The following ZC3H12B variants were observed in gnomAD, a reference collection of about 807,000 sequenced individuals.
The protein encoded by ZC3H12B is zinc finger CCCH-type containing 12B.
Under a neutral mutation model 43.9 loss-of-function variants are expected in ZC3H12B, and 7 were observed. The observed-to-expected ratio is 0.16, with a 90% confidence interval of 0.09 to 0.30. The LOEUF is 0.30. ZC3H12B is among the 10% of genes least tolerant of loss of function. ZC3H12B has a pLI of 1.00. For synonymous variants in ZC3H12B, 222 were observed against 241.7 expected (o/e 0.92, Z 0.76); for missense variants, 475 against 670.2 (o/e 0.71, Z 3.22).
the ZC3H12B span, among the ~76,000 whole-genome samples, chrX:65,109,628 G>A: frequency 1.8e-5 from 2 of 111,488 alleles, no homozygotes; most frequent in African/African-American, 6.5e-5. Flanking sequence ...TCTATCTTTT[G>A]GTTGTTATGA....
chrX:65,408,708 A>G (rs1008257880), intron 3 of ZC3H12B: 1 of 747,660 alleles, frequency 1.3e-6, no homozygotes, highest in Non-Finnish European at 2.0e-6. Flanking sequence ...ATACTCTTAC[A>G]GTGCTGCAAA....
At chrX:65,189,241 A>C in the ZC3H12B span, among the ~76,000 whole-genome samples, 2 of 102,274 alleles carry the variant, frequency 2.0e-5, no homozygotes, top group Non-Finnish European at 3.9e-5. Flanking sequence ...ATTGTGAATA[A>C]TGCCGCAATA....
At chrX:65,153,290 A>G in the ZC3H12B span, among the ~76,000 whole-genome samples, 7 of 112,168 alleles carry the variant, frequency 6.2e-5, no homozygotes, top group Admixed American at 9.5e-5. Flanking sequence ...ATCAGAGTGA[A>G]CAGGCAACCT....
chrX:65,171,388 A>T, the ZC3H12B span, among the ~76,000 whole-genome samples: 34 of 110,622 alleles, frequency 3.1e-4, no homozygotes, highest in African/African-American at 1.1e-3. Context: ...GTGCTGCCTG[A>T]TCCTTCCTCT....
At chrX:65,166,389 G>A in the ZC3H12B span, among the ~76,000 whole-genome samples, 1 of 111,510 alleles carries the variant, frequency 9.0e-6, no homozygotes, top group African/African-American at 3.3e-5. Context: ...GTTTTTTATG[G>A]CTGCATAGTA....
At chrX:65,294,691 G>A in the ZC3H12B span, among the ~76,000 whole-genome samples, 1 of 111,693 alleles carries the variant, frequency 9.0e-6, no homozygotes, top group Admixed American at 9.5e-5. Flanking sequence ...AAAGTGAGCA[G>A]GAGTAGCTAT....
chrX:65,211,246 T>A, the ZC3H12B span, among the ~76,000 whole-genome samples: 1 of 109,486 alleles, frequency 9.1e-6, no homozygotes, highest in East Asian at 2.8e-4. Flanking sequence ...TTTTCTCCCA[T>A]TCTGTAGGTT....
chrX:65,205,808 G>A, the ZC3H12B span, among the ~76,000 whole-genome samples: 2 of 111,698 alleles, frequency 1.8e-5, no homozygotes, highest in Non-Finnish European at 3.8e-5. Flanking sequence ...ACTGATAAAT[G>A]AATTCAGCAA....
chrX:65,443,082 A>G (rs193123133), intron 3 of ZC3H12B, among the ~76,000 whole-genome samples: 6 of 111,605 alleles, frequency 5.4e-5, no homozygotes, highest in African/African-American at 2.0e-4. Context: ...TTAGCTGGCA[A>G]ATAAACATGC....
chrX:65,412,604 A>T (rs2066916517), intron 3 of ZC3H12B, among the ~76,000 whole-genome samples: 2 of 110,932 alleles, frequency 1.8e-5, no homozygotes, highest in African/African-American at 6.6e-5. Context: ...AGTAGCTGGG[A>T]CTGCGGGAAT....
chrX:65,402,117 A>G (rs1423831513), intron 3 of ZC3H12B, among the ~76,000 whole-genome samples: 1 of 111,950 alleles, frequency 8.9e-6, no homozygotes, highest in African/African-American at 3.3e-5. Context: ...GCCAGGCAGC[A>G]TTCACCAAAA....
chrX:65,227,137 G>T, the ZC3H12B span, among the ~76,000 whole-genome samples: 1 of 111,251 alleles, frequency 9.0e-6, no homozygotes, highest in South Asian at 3.8e-4. Context: ...TGGAAGTAAA[G>T]CTCTCCTCAG....
intron 2 of ZC3H12B, among the ~76,000 whole-genome samples, chrX:65,369,698 GT>G (rs988435095): frequency 4.5e-5 from 5 of 109,946 alleles, no homozygotes; most frequent in African/African-American, 6.6e-5. Context: ...AAGCATCTAT[GT>G]TTTTTTTTCC....
At chrX:65,211,848 T>G in the ZC3H12B span, among the ~76,000 whole-genome samples, 1 of 79,793 alleles carries the variant, frequency 1.3e-5, no homozygotes, top group Non-Finnish European at 2.2e-5. Flanking sequence ...ATATATAATA[T>G]ATGTTATGTA....
At chrX:65,458,085 T>TAAAAAAAAAAAAAAAAAAAAAA (rs59738258) in intron 3 of ZC3H12B, among the ~76,000 whole-genome samples, 1 of 49,083 alleles carries the variant, frequency 2.0e-5, no homozygotes, top group Non-Finnish European at 3.8e-5. Context: ...AAAAAAAAAT[T>TAAAAAAAAAAAAAAAAAAAAAA]AAAAAAAAAA....
At chrX:65,282,335 C>A in the ZC3H12B span, among the ~76,000 whole-genome samples, 5 of 110,969 alleles carry the variant, frequency 4.5e-5, no homozygotes, top group Non-Finnish European at 7.6e-5. Context: ...ACAACAACAA[C>A]AAAAAATTAA....
At chrX:65,153,323 C>A in the ZC3H12B span, among the ~76,000 whole-genome samples, 1 of 111,721 alleles carries the variant, frequency 9.0e-6, no homozygotes, top group Non-Finnish European at 1.9e-5. Context: ...AAAATTTTTG[C>A]AACCTACTCA....
the ZC3H12B span, among the ~76,000 whole-genome samples, chrX:65,162,333 G>T: frequency 1.8e-5 from 2 of 112,042 alleles, no homozygotes; most frequent in South Asian, 7.4e-4. Flanking sequence ...GATTGGGCAA[G>T]TTCTCCTGGA....
At chrX:65,162,660 A>G in the ZC3H12B span, among the ~76,000 whole-genome samples, 1 of 111,316 alleles carries the variant, frequency 9.0e-6, no homozygotes, top group African/African-American at 3.3e-5. Flanking sequence ...TTCTAGTTAT[A>G]CATTCGTCTA....
Sources: allele counts gnomAD v4.1 joint callset (sites outside exome capture counted in the v4.1 genomes callset), GRCh38; gene constraint gnomAD v4.1.1; transcripts MANE v1.5; gene names NCBI Gene and HGNC (gene_info 2026-07-23, HGNC 2026-07-21).